SCAI: variants seen among roughly 807,000 people sequenced by gnomAD.
SCAI encodes protein SCAI.
Under a neutral mutation model 92.2 loss-of-function variants are expected in SCAI, and 24 were observed. The observed-to-expected ratio is 0.26, with a 90% CI of 0.19 to 0.37. The LOEUF (loss-of-function observed/expected upper bound fraction) is 0.37, where lower values mean the gene tolerates loss of function less well. Ranked by LOEUF, SCAI falls within the 10% of genes least tolerant of loss-of-function variation. SCAI has a pLI of 1.00. For synonymous variants in SCAI, 261 were observed against 258.6 expected, an observed-to-expected ratio of 1.01 and a Z score of -0.09; for missense variants, 450 against 736.2, an observed-to-expected ratio of 0.61 and a Z score of 4.50.
intron 2 of SCAI, among the ~76,000 whole-genome samples, chr9:125,109,359 A>G (rs1834886823): frequency 6.6e-6 from 1 of 151,896 alleles, no homozygotes; most frequent in Non-Finnish European, 1.5e-5. Context: ...ATCAATTTTA[A>G]AAAATAATAA....
intron 2 of SCAI, among the ~76,000 whole-genome samples, chr9:125,140,935 G>T (rs1835651938): frequency 1.3e-5 from 2 of 151,612 alleles, no homozygotes; most frequent in Admixed American, 6.6e-5. Flanking sequence ...AAGTTACTGA[G>T]AAATTTTATT....
intron 12 of SCAI, 53 bp from the exon 13 acceptor site, chr9:125,000,043 C>G (rs898897352): frequency 8.0e-6 from 6 of 752,512 alleles, no homozygotes; most frequent in Non-Finnish European, 1.3e-5. Flanking sequence ...TAACACTGAC[C>G]TGATGTTCAA....
chr9:125,019,413 T>G (rs1832825532), intron 7 of SCAI, among the ~76,000 whole-genome samples: 1 of 152,038 alleles, frequency 6.6e-6, no homozygotes, highest in Non-Finnish European at 1.5e-5. Flanking sequence ...TCAAATAAAG[T>G]CTTTACAGAG....
At chr9:124,977,650 C>T (rs1042803503) in intron 14 of SCAI, among the ~76,000 whole-genome samples, 1 of 152,072 alleles carries the variant, frequency 6.6e-6, no homozygotes, top group Non-Finnish European at 1.5e-5. Flanking sequence ...CTCCACCCTG[C>T]GCAACAGAGC....
At chr9:125,011,647 G>C (rs1307849244) in intron 9 of SCAI, among the ~76,000 whole-genome samples, 1 of 152,162 alleles carries the variant, frequency 6.6e-6, no homozygotes, top group Admixed American at 6.5e-5. Flanking sequence ...ATCTAGCAAG[G>C]CAGGCCAACA....
At chr9:124,973,838 A>G (rs2131591257) in intron 15 of SCAI, among the ~76,000 whole-genome samples, 1 of 152,256 alleles carries the variant, frequency 6.6e-6, no homozygotes, top group East Asian at 1.9e-4. Context: ...AAAAAATACA[A>G]TAAAATAAAT....
intron 2 of SCAI, among the ~76,000 whole-genome samples, chr9:125,106,122 A>AAAAAAAAATATAT (rs1554791724): frequency 1.1e-4 from 1 of 8,864 alleles, no homozygotes; most frequent in Non-Finnish European, 2.7e-4. Context: ...AAAAAAAAAA[A>AAAAAAAAATATAT]ATATATATAT....
intron 3 of SCAI, among the ~76,000 whole-genome samples, chr9:125,044,275 C>T (rs982397467): frequency 4.6e-5 from 7 of 152,074 alleles, no homozygotes; most frequent in Non-Finnish European, 8.8e-5. Context: ...TTTTCCAGGC[C>T]CATCCGTGGC....
intron 9 of SCAI, among the ~76,000 whole-genome samples, chr9:125,016,427 G>T (rs1832761954): frequency 8.7e-6 from 1 of 114,582 alleles, no homozygotes; most frequent in South Asian, 2.9e-4. Flanking sequence ...ATAAATAAAT[G>T]TCAGTTATCT....
chr9:125,118,747 G>C (rs1166126949), intron 2 of SCAI, among the ~76,000 whole-genome samples: 2 of 152,048 alleles, frequency 1.3e-5, no homozygotes, highest in Admixed American at 1.3e-4. Context: ...TCCCTTCCCT[G>C]TGTCCATGTG....
intron 13 of SCAI, among the ~76,000 whole-genome samples, 154 bp downstream of exon 13, chr9:124,999,737 T>C (rs1302282447): frequency 6.6e-6 from 1 of 152,216 alleles, no homozygotes; most frequent in East Asian, 1.9e-4. Context: ...GAATTATTGC[T>C]GGAATCCAAA....
intron 3 of SCAI, among the ~76,000 whole-genome samples, chr9:125,049,838 A>T (rs1833521995): frequency 1.3e-5 from 2 of 152,226 alleles, no homozygotes; most frequent in African/African-American, 4.8e-5. Context: ...CACTCTGCTC[A>T]TAATGAGTTA....
intron 2 of SCAI, among the ~76,000 whole-genome samples, chr9:125,089,846 C>T (rs927055119): frequency 6.6e-6 from 1 of 151,730 alleles, no homozygotes; most frequent in African/African-American, 2.4e-5. Flanking sequence ...TAGCCTTCAC[C>T]GTCTTAGGAA....
At chr9:124,959,179 G>A (rs1418201148) in intron 17 of SCAI, among the ~76,000 whole-genome samples, 1 of 149,358 alleles carries the variant, frequency 6.7e-6, no homozygotes, top group African/African-American at 2.5e-5. Flanking sequence ...AATGGGTGCA[G>A]CACACCAACA....
Position 125,002,488 on chromosome 9 carries a change from G to GTTTTTTTTTTTTTTTTTTTTTTTTT in SCAI, c.1066-446_1066-445insAAAAAAAAAAAAAAAAAAAAAAAAA, listed in dbSNP as rs58586769. 2.4e-5 allele frequency among the ~76,000 whole-genome samples: 3 copies of GTTTTTTTTTTTTTTTTTTTTTTTTT among 125,106 alleles called. 1 individual carries two copies. The highest frequency in any genetic ancestry group is 6.3e-5 in the African/African-American group (2 of 31,624). The allele number at this position is 125,106 out of a possible 152,430, so 82.1% of individuals were successfully genotyped here. On this transcript the variant is annotated intron_variant, in intron 11 of 17. Coordinates refer to ENST00000336505, the MANE Select transcript of SCAI (RefSeq NM_001144877.3). ...ACACTCTGCTTTTGTTTTTTAGTCT[G>GTTTTTTTTTTTTTTTTTTTTTTTTT]TTTTTTTTTTTGAAACAGAGTTTCA...
At chr9:125,093,453 T>A (rs1044977389) in intron 2 of SCAI, among the ~76,000 whole-genome samples, 1 of 152,178 alleles carries the variant, frequency 6.6e-6, no homozygotes, top group African/African-American at 2.4e-5. Flanking sequence ...AACGTGGAAA[T>A]GTTGGAGTGT....
intron 2 of SCAI, among the ~76,000 whole-genome samples, chr9:125,086,859 G>C (rs1005302492): frequency 6.6e-6 from 1 of 152,094 alleles, no homozygotes; most frequent in Non-Finnish European, 1.5e-5. Flanking sequence ...ATGTAAGATG[G>C]GTAGAATAAT....
intron 17 of SCAI, among the ~76,000 whole-genome samples, chr9:124,969,906 T>G (rs1588123356): frequency 6.6e-6 from 1 of 152,022 alleles, no homozygotes; most frequent in African/African-American, 2.4e-5. Context: ...CAGGCTGGAG[T>G]GCAGCGGCAT....
chr9:124,948,670 A>C lies in SCAI; in HGVS notation c.*4137T>G, dbSNP rs1831189861. On this transcript the variant is annotated 3_prime_UTR_variant, in exon 18 of 18. Coordinates refer to ENST00000336505, the MANE Select transcript of SCAI (RefSeq NM_001144877.3). ...CAACTTCAGAAATATACAGATAAAG[A>C]AAGAGAAAATTCCACTGTGCTTCAT... The C allele has an allele frequency of 6.6e-6, 1 of 152,152 alleles. No homozygotes were observed. Among genetic ancestry groups the C allele is most frequent in the Non-Finnish European group, 1.5e-5 (1 of 68,022 alleles). 9.4% of individuals were successfully genotyped at this position (152,152 alleles called of 1,614,324 possible). A position where few individuals can be genotyped will look rare whatever the true frequency, so the allele number is the denominator to read the frequency against.
Sources: allele counts gnomAD v4.1 joint callset (sites outside exome capture counted in the v4.1 genomes callset), GRCh38; gene constraint gnomAD v4.1.1; transcripts MANE v1.5; gene names NCBI Gene and HGNC (gene_info 2026-07-23, HGNC 2026-07-21).